Variants in AKNA observed in about 807,000 individuals in gnomAD.
AKNA encodes the protein microtubule organization protein AKNA.
Under a neutral mutation model 138.8 loss-of-function variants are expected in AKNA, and 67 were observed. That is an observed-to-expected ratio of 0.48 (90% CI 0.40 to 0.59). AKNA has a LOEUF of 0.59. Among genes scored for constraint, AKNA ranks in the 20% least tolerant of loss-of-function variants. The pLI, the probability that AKNA is intolerant of heterozygous loss-of-function variation, is 0.00. For missense variants in AKNA, 1,813 were observed against 1,880.4 expected, an observed-to-expected ratio of 0.96 and a Z score of 0.66; for synonymous variants, 737 against 754.4, an observed-to-expected ratio of 0.98 and a Z score of 0.38.
At chr9:114,353,304 G>C (rs112657046) in intron 14 of AKNA, among the ~76,000 whole-genome samples, 1 of 149,684 alleles carries the variant, frequency 6.7e-6, no homozygotes, top group South Asian at 2.1e-4. Context: ...TTGCTCTTTC[G>C]CCCAGGCTGA....
intron 4 of AKNA, among the ~76,000 whole-genome samples, chr9:114,372,384 T>C (rs1832833237): frequency 6.6e-6 from 1 of 152,004 alleles, no homozygotes; most frequent in Non-Finnish European, 1.5e-5. Context: ...CGAGAGGAGA[T>C]ACCCCAGCTG....
At chr9:114,341,138 T>C (rs989800379) in intron 21 of AKNA, among the ~76,000 whole-genome samples, 4 of 152,152 alleles carry the variant, frequency 2.6e-5, no homozygotes, top group African/African-American at 9.7e-5. Flanking sequence ...CCTATAAATC[T>C]AAAACTGTCC....
chr9:114,366,711 G>C (rs905498698), intron 6 of AKNA, among the ~76,000 whole-genome samples: 1 of 149,988 alleles, frequency 6.7e-6, no homozygotes, highest in African/African-American at 2.5e-5. Flanking sequence ...GAGGGGAGGA[G>C]AGAAGAGAAG....
In AKNA at chr9:114,350,971, G is replaced by C; in HGVS notation, c.3109C>G (p.Leu1037Val). The change falls in exon 15 of 22, where the codon CTT (leucine) becomes GTT (valine). Residue 1037 changes from leucine (L) to valine (V), a missense_variant. Leu to Val is a conservative substitution (Grantham distance 32, BLOSUM62 1). Coordinates refer to ENST00000374088, the MANE Select transcript of AKNA (RefSeq NM_001317950.2). ...GGTGGGCTGATTGTCTTGTTGGGAA[G>C]GGGCTGTTCAGAAATCCGTTTGTGC... ...EGHKRISEQP[L>V]PNKTISPPPA... is the part of the protein sequence containing the mutation. The C allele has an allele frequency of 6.2e-7, 1 of 1,613,618 alleles. No individual in the cohort carries two copies. Among genetic ancestry groups the C allele is most frequent in the Non-Finnish European group, 8.5e-7 (1 of 1,179,908 alleles).
upstream of AKNA, among the ~76,000 whole-genome samples, chr9:114,389,206 T>A (rs118188736): frequency 1.1e-3 from 163 of 151,788 alleles, no homozygotes; most frequent in East Asian, 0.019. Flanking sequence ...GCAAGGCCTG[T>A]GTACCCGGGG....
chr9:114,358,857 G>C (rs1831704558), intron 11 of AKNA, among the ~76,000 whole-genome samples: 1 of 151,690 alleles, frequency 6.6e-6, no homozygotes, highest in Non-Finnish European at 1.5e-5. Flanking sequence ...ATAGCATTAG[G>C]AGATATACCT....
chr9:114,387,243 C>T (rs1350140167), intron 1 of AKNA, among the ~76,000 whole-genome samples: 1 of 152,154 alleles, frequency 6.6e-6, no homozygotes, highest in Non-Finnish European at 1.5e-5. Context: ...GCTGTGTGGA[C>T]TCTAGTCCCA....
At position 114,359,970 on chromosome 9, in the gene AKNA, C is replaced by T. The variant is rs1251064713; in HGVS notation, c.2217G>A (p.Arg739=). ...VSSGNSEVED[R]PQDPLARLRH... is the part of the protein sequence containing the mutation. Reference sequence around the variant, plus strand: ...TGAGTCGGGCCAGGGGGTCCTGTGGCCTGTCCTCCACCTCACTGTTGCCAG... The same window carrying T: ...TGAGTCGGGCCAGGGGGTCCTGTGGTCTGTCCTCCACCTCACTGTTGCCAG... Residue 739 remains arginine, a synonymous_variant, in exon 10 of 22, where the codon AGG becomes AGA. Transcript: ENST00000374088. The T allele has an allele frequency of 6.8e-6, 11 of 1,614,240 alleles. No homozygotes were observed. Among genetic ancestry groups the T allele is most frequent in the Non-Finnish European group, 7.6e-6 (9 of 1,180,046 alleles).
Position 114,361,686 on chromosome 9 carries a change from G to A in AKNA, c.2124+18C>T. On this transcript the variant is annotated intron_variant, in intron 9 of 21. Transcript: ENST00000374088. Reference sequence around the variant, plus strand: ...AATGCACGAGGGAACAGCCCAATATGGTTGAGCCAAGAGGTACCTCAGGGC... The same window carrying A: ...AATGCACGAGGGAACAGCCCAATATAGTTGAGCCAAGAGGTACCTCAGGGC... The A allele has an allele frequency of 3.1e-6, 5 of 1,612,110 alleles. No individual in the cohort carries two copies. The highest frequency in any genetic ancestry group is 4.2e-6 in the Non-Finnish European group (5 of 1,179,570).
At chr9:114,383,009 C>T (rs772135845) in intron 1 of AKNA, 1 of 383,784 alleles carries the variant, frequency 2.6e-6, no homozygotes, top group Non-Finnish European at 5.1e-6. Context: ...TTAAAGAAAA[C>T]GCCTTCCGAG....
At position 114,381,747 on chromosome 9, in the gene AKNA, G is replaced by A. The variant is rs942922633; in HGVS notation, c.-113-301C>T. On this transcript the variant is annotated intron_variant, in intron 1 of 21. Transcript: ENST00000374088. ...ACAATCTCGGCTCACTGCAACCTCC[G>A]TCTCCCAGGTTCAAGCAATTCTCCT... Among the ~76,000 whole-genome samples the A allele has an allele frequency of 7.9e-5, 10 of 127,074 alleles. No individual in the cohort carries two copies. The East Asian group carries it at 8.0e-4, about 10-fold the overall frequency. 83.4% of individuals were successfully genotyped at this position (127,074 alleles called of 152,430 possible). A position where few individuals can be genotyped will look rare whatever the true frequency, so the allele number is the denominator to read the frequency against.
chr9:114,395,584 C>T (rs1263143216), upstream of AKNA, among the ~76,000 whole-genome samples: 1 of 151,866 alleles, frequency 6.6e-6, no homozygotes, highest in Admixed American at 6.6e-5. Context: ...AGGGTTTCTT[C>T]CCAAATCGCA....
intron 1 of AKNA, among the ~76,000 whole-genome samples, chr9:114,393,519 C>G (rs527700457): frequency 1.8e-4 from 27 of 152,130 alleles, no homozygotes; most frequent in African/African-American, 5.8e-4. Flanking sequence ...GCCACCGTGC[C>G]CGGCCCTGGA....
chr9:114,346,732 G>C lies in AKNA; in HGVS notation c.3451C>G (p.Pro1151Ala). ...GEPRGEEQIV[P>A]PGRQRARSSS... ...GACCTGGCTCGCTGCCTTCCTGGAG[G>C]GACAATCTGCTCTTCACCTCTAGGC... is the stretch of plus-strand genomic sequence containing the variant. Residue 1151 changes from proline (P) to alanine (A), a missense_variant, in exon 17 of 22, where the codon CCT (proline) becomes GCT (alanine). Transcript: ENST00000374088. 6.2e-7 allele frequency: 1 copy of C among 1,613,022 alleles called. No homozygotes were observed. Among genetic ancestry groups the C allele is most frequent in the South Asian group, 1.1e-5 (1 of 90,834 alleles).
chr9:114,365,829 C>A (rs577434863), intron 6 of AKNA, among the ~76,000 whole-genome samples: 14 of 152,348 alleles, frequency 9.2e-5, no homozygotes, highest in Middle Eastern at 6.8e-3. Flanking sequence ...AAGTACTCAA[C>A]AGTCACATGT....
intron 5 of AKNA, 120 bp from the exon 6 acceptor site, chr9:114,367,817 C>T (rs765696548): frequency 2.7e-5 from 31 of 1,132,360 alleles, no homozygotes; most frequent in Non-Finnish European, 3.7e-5. Flanking sequence ...TCACCATGTG[C>T]GATCTTCACA....
chr9:114,385,140 C>T (rs925734223), intron 1 of AKNA, among the ~76,000 whole-genome samples: 1 of 152,206 alleles, frequency 6.6e-6, no homozygotes, highest in African/African-American at 2.4e-5. Flanking sequence ...AAGCATGAGC[C>T]ACCCACCCAG....
intron 8 of AKNA, 138 bp downstream of exon 8, chr9:114,362,268 A>ATG: frequency 7.6e-7 from 1 of 1,312,942 alleles, no homozygotes; most frequent in East Asian, 2.6e-5. Flanking sequence ...CCATTTGGAT[A>ATG]TGTATACTAA....
At chr9:114,330,697 C>T, downstream of AKNA, 1 of 1,597,456 alleles carries the variant, frequency 6.3e-7, no homozygotes, top group Admixed American at 1.7e-5. Context: ...TGGCTTTAAT[C>T]TCCACCAGAC....
Sources: allele counts gnomAD v4.1 joint callset (sites outside exome capture counted in the v4.1 genomes callset), GRCh38; gene constraint gnomAD v4.1.1; transcripts MANE v1.5; gene names NCBI Gene and HGNC (gene_info 2026-07-23, HGNC 2026-07-21).